The following TRPM1 variants were observed in gnomAD, a reference collection of about 807,000 sequenced individuals.
The protein encoded by TRPM1 is TRPM1-203 APA Isoform, Intron 10.
In TRPM1, 113 loss-of-function variants were observed where a neutral mutation model predicts 149.4. The observed-to-expected ratio is 0.76, with a 90% CI of 0.65 to 0.88. The LOEUF (loss-of-function observed/expected upper bound fraction) is 0.88, where lower values mean the gene tolerates loss of function less well. Among genes scored for constraint, TRPM1 ranks in the 40% least tolerant of loss-of-function variants. The probability of loss-of-function intolerance (pLI) is 0.00; values close to 1 mark genes in which losing one functional copy is unlikely to be tolerated. For synonymous variants in TRPM1, 741 were observed against 759.5 expected, an observed-to-expected ratio of 0.98 and a Z score of 0.40; for missense variants, 1,976 against 2,038.7, an observed-to-expected ratio of 0.97 and a Z score of 0.59.
chr15:31,099,414 T>C lies in TRPM1; in HGVS notation c.-84+2243A>G, dbSNP rs1252947048. Reference sequence around the variant, plus strand: ...ACACACACACCCAGACACACACACATACACTCTCAAATTATAGGACATCTT... The same window carrying C: ...ACACACACACCCAGACACACACACACACACTCTCAAATTATAGGACATCTT... On this transcript the variant is annotated intron_variant, in intron 1 of 27. Transcript: ENST00000256552. Among the ~76,000 whole-genome samples the C allele has an allele frequency of 2.6e-5, 4 of 152,108 alleles. 1 individual carries two copies. Among genetic ancestry groups the C allele is most frequent in the Non-Finnish European group, 2.9e-5 (2 of 68,008 alleles).
chr15:31,078,796 C>T (rs748192357), intron 2 of TRPM1, among the ~76,000 whole-genome samples: 11 of 152,186 alleles, frequency 7.2e-5, no homozygotes, highest in Non-Finnish European at 1.3e-4. Context: ...CCCAGAGAAG[C>T]TGGGAAGCCC....
chr15:31,149,836 C>T (rs1211908444), intron 1 of TRPM1, among the ~76,000 whole-genome samples: 1 of 152,222 alleles, frequency 6.6e-6, no homozygotes, highest in African/African-American at 2.4e-5. Context: ...TTTAAAATCC[C>T]TCTTCCATCT....
At chr15:31,081,509 A>G in intron 1 of TRPM1, 71 bp from the exon 2 acceptor site, 1 of 984,066 alleles carries the variant, frequency 1.0e-6, no homozygotes, top group Non-Finnish European at 1.5e-6. Context: ...AAGATGAACA[A>G]ATCCTGCCCT....
intron 1 of TRPM1, among the ~76,000 whole-genome samples, chr15:31,086,279 C>T (rs963644335): frequency 2.6e-5 from 4 of 152,172 alleles, no homozygotes; most frequent in Non-Finnish European, 5.9e-5. Context: ...TCTAGCCCCT[C>T]AGGTGGAGCT....
At chr15:31,083,338 A>G (rs895394425) in intron 1 of TRPM1, among the ~76,000 whole-genome samples, 9 of 152,258 alleles carry the variant, frequency 5.9e-5, no homozygotes, top group Non-Finnish European at 1.2e-4. Flanking sequence ...TTTTGTGAAA[A>G]CTACATTTAG....
At chr15:31,140,079 A>G (rs1343454331) in intron 1 of TRPM1, among the ~76,000 whole-genome samples, 1 of 152,182 alleles carries the variant, frequency 6.6e-6, no homozygotes, top group East Asian at 1.9e-4. Flanking sequence ...TTGAAATTTG[A>G]TTCTTGGCTG....
chr15:31,028,226 G>T, intron 25 of TRPM1, 106 bp downstream of exon 25: 1 of 1,467,190 alleles, frequency 6.8e-7, no homozygotes, highest in Non-Finnish European at 9.5e-7. Context: ...AAACCCTAAT[G>T]AAATTATCTG....
At position 31,040,349 on chromosome 15, in the gene TRPM1, G is replaced by A. The variant is rs769044063; in HGVS notation, c.2088-3C>T. 1.7e-5 allele frequency: 28 copies of A among 1,613,618 alleles called. No individual in the cohort carries two copies. In the East Asian group the frequency reaches 6.0e-4, roughly 35 times the overall value. ...CCAAAGCAAGCTGGCCGAAGTCTCTGGGGGGAAAGAGAAGGGACCAGGGTG... is the reference window on the plus strand; with the variant it reads ...CCAAAGCAAGCTGGCCGAAGTCTCTAGGGGGAAAGAGAAGGGACCAGGGTG... On this transcript the variant is annotated splice_region_variant and splice_polypyrimidine_tract_variant and intron_variant, in intron 17 of 27. Transcript: ENST00000256552. This position sits in a 1 kb window ranked among gnomAD's most constrained non-coding sequence, Gnocchi z 4.2.
intron 5 of TRPM1, 33 bp downstream of exon 5, chr15:31,067,846 T>C (rs748695996): frequency 5.0e-6 from 8 of 1,606,242 alleles, no homozygotes; most frequent in South Asian, 4.4e-5. Flanking sequence ...GGGTGGTACA[T>C]TGATTATCGG....
intron 1 of TRPM1, among the ~76,000 whole-genome samples, chr15:31,101,409 C>A (rs1224256395): frequency 6.6e-6 from 1 of 152,202 alleles, no homozygotes; most frequent in Non-Finnish European, 1.5e-5. Flanking sequence ...TCACCAGCTG[C>A]TCCATAGGGT....
At position 31,049,528 on chromosome 15, in the gene TRPM1, G is replaced by A. The variant is rs535828299; in HGVS notation, c.1438-19C>T. On this transcript the variant is annotated intron_variant, in intron 12 of 27. Coordinates refer to ENST00000256552, the MANE Select transcript of TRPM1 (RefSeq NM_001252024.2). ...CATTCACCTGCAGGGACCAAGGGCCGGGAGCCTGTGAGTGGCCTCTCAGAG... is the reference window on the plus strand; with the variant it reads ...CATTCACCTGCAGGGACCAAGGGCCAGGAGCCTGTGAGTGGCCTCTCAGAG... The A allele has an allele frequency of 1.2e-5, 19 of 1,613,070 alleles. No individual in the cohort carries two copies. Among genetic ancestry groups the A allele is most frequent in the African/African-American group, 9.3e-5 (7 of 74,990 alleles).
intron 25 of TRPM1, 101 bp from the exon 26 acceptor site, chr15:31,027,218 G>A: frequency 8.8e-7 from 1 of 1,135,582 alleles, no homozygotes; most frequent in Non-Finnish European, 1.3e-6. Context: ...TACTCAATGA[G>A]ATGGCCTTTT....
chr15:31,080,065 G>A (rs571975251), intron 2 of TRPM1, among the ~76,000 whole-genome samples: 1 of 152,040 alleles, frequency 6.6e-6, no homozygotes, highest in African/African-American at 2.4e-5. Context: ...AAGACCCATG[G>A]GTCCACACTG....
intron 27 of TRPM1, among the ~76,000 whole-genome samples, chr15:31,020,983 A>AT (rs1055055299): frequency 3.3e-5 from 5 of 151,430 alleles, no homozygotes; most frequent in African/African-American, 7.3e-5. Flanking sequence ...AATAAAACTG[A>AT]TTTTTTTTTC....
At chr15:31,122,127 A>G (rs2035889160) in intron 1 of TRPM1, among the ~76,000 whole-genome samples, 1 of 152,184 alleles carries the variant, frequency 6.6e-6, no homozygotes, top group Non-Finnish European at 1.5e-5. Flanking sequence ...GAGAAAATCC[A>G]ATACCTGTAT....
At chr15:31,141,199 T>C (rs892754592) in intron 1 of TRPM1, among the ~76,000 whole-genome samples, 1 of 152,088 alleles carries the variant, frequency 6.6e-6, no homozygotes, top group Non-Finnish European at 1.5e-5. Flanking sequence ...ACATAAAAAA[T>C]TGTTCTATGA....
In TRPM1 at chr15:31,062,675, C is replaced by A. The variant is rs1567026790; in HGVS notation, c.993G>T (p.Gln331His). The change falls in exon 9 of 28, where the codon CAG becomes CAT. Residue 331 changes from glutamine to histidine, a missense_variant. Physicochemically the swap from Gln to His is conservative, Grantham distance 24. Around this residue, in one of 3 missense-constraint regions of TRPM1, gnomAD observed 1,332 missense variants for 1,347.1 expected, o/e 0.99. Coordinates refer to ENST00000256552, the MANE Select transcript of TRPM1 (RefSeq NM_001252024.2). ...ATGTTTTCTGAATGGTAACTAGAAG[C>A]TGCTCCCTGAGGGACTCATTTATTA... ...GGIINESLRE[Q>H]LLVTIQKTFN... 2 of 1,614,086 alleles carry A rather than the reference C, an allele frequency of 1.2e-6. No individual in the cohort carries two copies. The highest frequency in any genetic ancestry group is 1.7e-6 in the Non-Finnish European group (2 of 1,179,992).
chr15:31,085,844 A>C (rs963281550), intron 1 of TRPM1, among the ~76,000 whole-genome samples: 3 of 152,192 alleles, frequency 2.0e-5, no homozygotes, highest in Admixed American at 2.0e-4. Flanking sequence ...AGGCTTTTGA[A>C]TCTTTTGATA....
intron 1 of TRPM1, among the ~76,000 whole-genome samples, chr15:31,124,834 TATG>T (rs1200161723): frequency 1.3e-5 from 2 of 152,068 alleles, no homozygotes; most frequent in Admixed American, 1.3e-4. Flanking sequence ...AACTATTCTG[TATG>T]ATATGGTAAT....
Sources: allele counts gnomAD v4.1 joint callset (sites outside exome capture counted in the v4.1 genomes callset), GRCh38; gene constraint gnomAD v4.1.1; regional missense constraint gnomAD v4.1.1; non-coding constraint Gnocchi (gnomAD v3.1); transcripts MANE v1.5; gene names NCBI Gene and HGNC (gene_info 2026-07-23, HGNC 2026-07-21).